The following SYT6 variants were observed in gnomAD, a reference collection of about 807,000 sequenced individuals.
The protein encoded by SYT6 is synaptotagmin-6.
SYT6 carries 24 observed loss-of-function variants against 38.4 expected under a neutral mutation model. That is an observed-to-expected ratio of 0.62 (90% CI 0.45 to 0.88). The LOEUF is 0.88. Among genes scored for constraint, SYT6 ranks in the 40% least tolerant of loss-of-function variants. The probability of loss-of-function intolerance (pLI) is 0.00; values close to 1 mark genes in which losing one functional copy is unlikely to be tolerated. For missense variants in SYT6, 611 were observed against 621.0 expected (o/e 0.98, Z 0.17); for synonymous variants, 265 against 241.9 (o/e 1.10, Z -0.89).
At chr1:114,149,223 G>GTGTGTGTGTGTGTGTGTGTGCGCGCGCA (rs531593752) in intron 1 of SYT6, among the ~76,000 whole-genome samples, 2 of 133,264 alleles carry the variant, frequency 1.5e-5, no homozygotes. Flanking sequence ...GAGATTGTGT[G>GTGTGTGTGTGTGTGTGTGTGCGCGCGCA]TGTGTGTGTG....
At chr1:114,125,716 C>G (rs751864213) in intron 3 of SYT6, among the ~76,000 whole-genome samples, 1 of 152,168 alleles carries the variant, frequency 6.6e-6, no homozygotes, top group Non-Finnish European at 1.5e-5. Context: ...CTACAGCTCA[C>G]CTTGTCTCCT....
intron 3 of SYT6, among the ~76,000 whole-genome samples, chr1:114,104,076 A>G (rs976658283): frequency 6.6e-6 from 1 of 152,040 alleles, no homozygotes; most frequent in African/African-American, 2.4e-5. Context: ...GTTCTCCTCC[A>G]GCCCACCCTT....
Position 114,103,714 on chromosome 1 carries a change from A to G in SYT6, c.1079T>C (p.Val360Ala). 6.2e-7 allele frequency: 1 copy of G among 1,613,548 alleles called. No individual in the cohort carries two copies. ...GGAGAACATGATCTCTCCCAAGTCC[A>G]CGCTTTCCTGCAAAGAAGCACACAA... is the stretch of plus-strand genomic sequence containing the variant. ...KDIQYATSES[V>A]DLGEIMFSLC... The change falls in exon 4 of 8, where the codon GTG (valine) becomes GCG (alanine). Residue 360 changes from valine to alanine, a missense_variant. Val to Ala is a moderately conservative substitution (Grantham distance 64). Coordinates refer to ENST00000610222, the MANE Select transcript of SYT6 (RefSeq NM_001253772.2).
chr1:114,103,338 A>T (rs1676078588), intron 4 of SYT6, among the ~76,000 whole-genome samples: 2 of 152,270 alleles, frequency 1.3e-5, no homozygotes, highest in African/African-American at 4.8e-5. Context: ...GTAAGGCACC[A>T]TTCTGAACAT....
chr1:114,131,271 A>G (rs981038340), intron 3 of SYT6, among the ~76,000 whole-genome samples: 1 of 152,286 alleles, frequency 6.6e-6, no homozygotes, highest in Non-Finnish European at 1.5e-5. Context: ...AAAGAAACCC[A>G]ATCTTATGTG....
intron 3 of SYT6, among the ~76,000 whole-genome samples, chr1:114,132,768 G>A (rs1678229533): frequency 6.6e-6 from 1 of 152,214 alleles, no homozygotes; most frequent in Non-Finnish European, 1.5e-5. Flanking sequence ...ATAGGGCTCA[G>A]CAAGCTGCTC....
chr1:114,137,731 A>G lies in SYT6; in HGVS notation c.835T>C (p.Cys279Arg), dbSNP rs771463392. 1 of 1,614,080 alleles carries G rather than the reference A, an allele frequency of 6.2e-7. No individual in the cohort carries two copies. Among genetic ancestry groups the G allele is most frequent in the Non-Finnish European group, 8.5e-7 (1 of 1,180,010 alleles). The change falls in exon 3 of 8, where the codon TGC (cysteine) becomes CGC (arginine). Residue 279 changes from cysteine to arginine, a missense_variant. Transcript: ENST00000610222. ...VKIYLLPDRKCKLQTRVHRKT... is the reference protein window; with the variant it reads ...VKIYLLPDRKRKLQTRVHRKT... ...CGGTGCACCCGGGTCTGCAGCTTGC[A>G]TTTGCGGTCAGGCAGGAGGTAGATC... is the stretch of plus-strand genomic sequence containing the variant.
chr1:114,134,182 G>C (rs1035889784), intron 3 of SYT6, among the ~76,000 whole-genome samples: 1 of 152,198 alleles, frequency 6.6e-6, no homozygotes, highest in South Asian at 2.1e-4. Flanking sequence ...CTACCTGATC[G>C]GGCTGGTTAC....
At chr1:114,112,991 T>C (rs907787377) in intron 3 of SYT6, among the ~76,000 whole-genome samples, 2 of 152,196 alleles carry the variant, frequency 1.3e-5, no homozygotes, top group East Asian at 3.9e-4. Flanking sequence ...GGAATGTTTC[T>C]TGCAAACAAG....
intron 6 of SYT6, among the ~76,000 whole-genome samples, 185 bp downstream of exon 6, chr1:114,097,542 T>C (rs1458897698): frequency 6.6e-6 from 1 of 152,194 alleles, no homozygotes; most frequent in Non-Finnish European, 1.5e-5. Context: ...ACCAGGGGCT[T>C]TGTGTTGGCA....
chr1:114,145,269 A>G (rs1679098770), intron 1 of SYT6, among the ~76,000 whole-genome samples: 1 of 152,242 alleles, frequency 6.6e-6, no homozygotes, highest in Admixed American at 6.5e-5. Flanking sequence ...TAAGGTTCAA[A>G]GAGCTTTATA....
chr1:114,115,268 C>T (rs1212840747), intron 3 of SYT6, among the ~76,000 whole-genome samples: 3 of 152,174 alleles, frequency 2.0e-5, no homozygotes, highest in Admixed American at 6.5e-5. Context: ...TTGGAAGAAC[C>T]AATTGAACAC....
chr1:114,143,552 A>ATGTGCGTG (rs1678988292), intron 1 of SYT6, among the ~76,000 whole-genome samples: 1 of 108,166 alleles, frequency 9.2e-6, no homozygotes, highest in Non-Finnish European at 1.9e-5. Context: ...TATATAACTT[A>ATGTGCGTG]TGTGCATGTG....
At chr1:114,095,924 T>C (rs575845152) in intron 6 of SYT6, among the ~76,000 whole-genome samples, 1 of 152,246 alleles carries the variant, frequency 6.6e-6, no homozygotes, top group Non-Finnish European at 1.5e-5. Flanking sequence ...CCTCCCAAAG[T>C]GCTGGGATTA....
At chr1:114,103,096 G>A (rs1438252950) in intron 4 of SYT6, among the ~76,000 whole-genome samples, 2 of 152,320 alleles carry the variant, frequency 1.3e-5, no homozygotes, top group Admixed American at 1.3e-4. Flanking sequence ...AAATACAAAT[G>A]CATTTTGCTT....
At chr1:114,153,552 G>T in intron 1 of SYT6, 58 bp downstream of exon 1, 1 of 571,608 alleles carries the variant, frequency 1.7e-6, no homozygotes. Context: ...GGGCTTTGGG[G>T]AAGGGAGATC....
intron 5 of SYT6, among the ~76,000 whole-genome samples, chr1:114,098,783 T>C (rs551425350): frequency 6.6e-6 from 1 of 152,212 alleles, no homozygotes; most frequent in East Asian, 1.9e-4. Context: ...AGAGGGGCAT[T>C]TCAAAGGCCA....
intron 3 of SYT6, among the ~76,000 whole-genome samples, chr1:114,126,909 G>A (rs1677780697): frequency 1.3e-5 from 2 of 152,214 alleles, no homozygotes; most frequent in African/African-American, 4.8e-5. Context: ...GCTGTCTGGA[G>A]GCTAGGGAAC....
chr1:114,134,593 G>A (rs1225657609), intron 3 of SYT6, among the ~76,000 whole-genome samples: 6 of 152,194 alleles, frequency 3.9e-5, no homozygotes, highest in Admixed American at 2.6e-4. Flanking sequence ...GAGACCAGGA[G>A]GCCACATGGA....
Sources: allele counts gnomAD v4.1 joint callset (sites outside exome capture counted in the v4.1 genomes callset), GRCh38; gene constraint gnomAD v4.1.1; transcripts MANE v1.5; gene names NCBI Gene and HGNC (gene_info 2026-07-23, HGNC 2026-07-21).